The following ABCB1 variants were observed in gnomAD, a reference collection of about 807,000 sequenced individuals.
The protein encoded by ABCB1 is ATP-dependent translocase ABCB1.
A neutral mutation model predicts 142.0 loss-of-function variants in ABCB1; 69 were observed. That is an observed-to-expected ratio of 0.49 (90% confidence interval 0.40 to 0.59). The LOEUF (loss-of-function observed/expected upper bound fraction) is 0.59. Ranked by LOEUF, ABCB1 falls within the 20% of genes least tolerant of loss-of-function variation. ABCB1 has a pLI of 0.00. For missense variants in ABCB1, 1,326 were observed against 1,554.7 expected (o/e 0.85, Z 2.47); for synonymous variants, 532 against 539.2 (o/e 0.99, Z 0.18).
At chr7:87,570,278 A>T in intron 4 of ABCB1, 55 bp from the exon 5 acceptor site, 1 of 1,487,250 alleles carries the variant, frequency 6.7e-7, no homozygotes. Flanking sequence ...TCCATTAAAA[A>T]TAAACATGTA....
chr7:87,550,602 G>GATTA, intron 10 of ABCB1, 24 bp from the exon 11 acceptor site: 1 of 1,602,080 alleles, frequency 6.2e-7, no homozygotes, highest in Middle Eastern at 1.7e-4. Context: ...AATTTTAAGA[G>GATTA]ATTACTAGGT....
At chr7:87,530,830 C>CAAGAAAGAAAGAAAGAAAGA (rs1241023862) in intron 21 of ABCB1, among the ~76,000 whole-genome samples, 3 of 43,374 alleles carry the variant, frequency 6.9e-5, no homozygotes, top group East Asian at 4.7e-4. Flanking sequence ...AGCAAGAAAG[C>CAAGAAAGAAAGAAAGAAAGA]AAGAAAGCAA....
At chr7:87,628,584 C>CGTGCGTGT (rs1468348829) in intron 1 of ABCB1, 85 of 290,756 alleles carry the variant, frequency 2.9e-4, no homozygotes, top group African/African-American at 9.6e-4. Flanking sequence ...TGCGTGCGTG[C>CGTGCGTGT]GTGTGTGTGT....
intron 19 of ABCB1, among the ~76,000 whole-genome samples, chr7:87,538,204 G>A (rs1816379523): frequency 6.6e-6 from 1 of 152,180 alleles, no homozygotes; most frequent in Non-Finnish European, 1.5e-5. Flanking sequence ...TTGGCCTGGA[G>A]GCTGGTTGGG....
chr7:87,694,020 G>T, intron 1 of ABCB1: 2 of 1,599,774 alleles, frequency 1.3e-6, no homozygotes, highest in South Asian at 2.3e-5. Context: ...ATTGACTTTC[G>T]GGGGAGGGCT....
intron 8 of ABCB1, among the ~76,000 whole-genome samples, chr7:87,559,200 T>C (rs1250324803): frequency 6.6e-6 from 1 of 152,072 alleles, no homozygotes; most frequent in African/African-American, 2.4e-5. Flanking sequence ...TCCAGACTTG[T>C]TTTGTGATTT....
At chr7:87,512,814 T>C (rs902487770) in intron 25 of ABCB1, among the ~76,000 whole-genome samples, 1 of 152,224 alleles carries the variant, frequency 6.6e-6, no homozygotes, top group African/African-American at 2.4e-5. Context: ...GAGAAGATAA[T>C]GGATATTCCT....
At chr7:87,568,244 A>ATAAT (rs1817868312) in intron 5 of ABCB1, among the ~76,000 whole-genome samples, 3 of 127,740 alleles carry the variant, frequency 2.3e-5, no homozygotes, top group Admixed American at 2.3e-4. Context: ...AAATACGACA[A>ATAAT]TAATAATAAT....
intron 1 of ABCB1, among the ~76,000 whole-genome samples, chr7:87,692,084 C>T (rs1828066328): frequency 6.6e-6 from 1 of 152,036 alleles, no homozygotes; most frequent in Admixed American, 6.6e-5. Context: ...AAAATTTTCC[C>T]ATGGTCTTTC....
At chr7:87,600,917 GCGGCTGTGCTCAGCC>G, upstream of ABCB1, 1 of 152,510 alleles carries the variant, frequency 6.6e-6, no homozygotes, top group South Asian at 2.1e-4. Context: ...AGAGAGCGAA[GCGGCTGTGCTCAGCC>G]CACGCCCCGG....
intron 1 of ABCB1, among the ~76,000 whole-genome samples, chr7:87,614,542 C>T (rs183464000): frequency 6.6e-6 from 1 of 152,298 alleles, no homozygotes; most frequent in Admixed American, 6.5e-5. Flanking sequence ...TAGTTTATGG[C>T]ATTTCAGTTC....
Position 87,629,647 on chromosome 7 carries a change from G to C in ABCB1, c.-330-28569C>G, listed in dbSNP as rs182204240. Among the ~76,000 whole-genome samples the C allele has an allele frequency of 2.0e-5, 3 of 152,276 alleles. No individual in the cohort carries two copies. The South Asian group carries it at 6.2e-4, about 32-fold the overall frequency. On this transcript the variant is annotated intron_variant, in intron 1 of 28. Coordinates refer to the ABCB1 transcript ENST00000265724. ...ACAATAAAAGAATAATTACTATTGG[G>C]CCGGGCGCGGTGGCTTACACCTGTA...
chr7:87,708,787 T>A (rs1176950491), intron 1 of ABCB1, among the ~76,000 whole-genome samples: 1 of 152,186 alleles, frequency 6.6e-6, no homozygotes, highest in Non-Finnish European at 1.5e-5. Context: ...CTGTTTTTCA[T>A]TTGTGCATAA....
intron 7 of ABCB1, among the ~76,000 whole-genome samples, chr7:87,562,502 C>G (rs1050002704): frequency 1.3e-5 from 2 of 152,146 alleles, no homozygotes; most frequent in Non-Finnish European, 2.9e-5. Context: ...TCTGAAACCT[C>G]ATGGTGCCAC....
intron 21 of ABCB1, among the ~76,000 whole-genome samples, chr7:87,528,306 A>G (rs1315950112): frequency 6.6e-6 from 1 of 152,066 alleles, no homozygotes; most frequent in Non-Finnish European, 1.5e-5. Flanking sequence ...ATAAAATTTG[A>G]TCACTTTTAA....
intron 19 of ABCB1, among the ~76,000 whole-genome samples, chr7:87,537,249 G>A (rs1185120301): frequency 6.6e-6 from 1 of 152,180 alleles, no homozygotes; most frequent in Non-Finnish European, 1.5e-5. Context: ...TAGGAGATGA[G>A]ATTTGAGAGA....
intron 3 of ABCB1, among the ~76,000 whole-genome samples, chr7:87,587,191 T>C (rs1442226215): frequency 6.6e-6 from 1 of 152,194 alleles, no homozygotes; most frequent in Non-Finnish European, 1.5e-5. Flanking sequence ...GAGGTCTTCT[T>C]TTAGAGATTA....
At chr7:87,613,530 G>A (rs1305278407) in intron 1 of ABCB1, among the ~76,000 whole-genome samples, 1 of 151,918 alleles carries the variant, frequency 6.6e-6, no homozygotes, top group African/African-American at 2.4e-5. Context: ...ATACTACAGA[G>A]CCATAAAAAA....
intron 1 of ABCB1, among the ~76,000 whole-genome samples, chr7:87,616,051 T>A (rs905789577): frequency 1.6e-4 from 24 of 152,346 alleles, no homozygotes; most frequent in Non-Finnish European, 3.1e-4. Context: ...TTGCCTAGTA[T>A]AAGATACTTT....
Sources: allele counts gnomAD v4.1 joint callset (sites outside exome capture counted in the v4.1 genomes callset), GRCh38; gene constraint gnomAD v4.1.1; transcripts MANE v1.5; gene names NCBI Gene and HGNC (gene_info 2026-07-23, HGNC 2026-07-21).